Variants in AGBL4 observed in about 807,000 individuals in gnomAD.
AGBL4 encodes cytosolic carboxypeptidase 6.
AGBL4 carries 58 observed loss-of-function variants against 66.4 expected under a neutral mutation model. That is an observed-to-expected ratio of 0.87 (90% CI 0.71 to 1.09). The LOEUF is 1.09. Ranked by LOEUF, AGBL4 falls within the 50% of genes least tolerant of loss-of-function variation. AGBL4 has a pLI of 0.00. For synonymous variants in AGBL4, 234 were observed against 222.9 expected, an observed-to-expected ratio of 1.05 and a Z score of -0.44; for missense variants, 579 against 631.0, an observed-to-expected ratio of 0.92 and a Z score of 0.88.
chr1:48,678,450 C>T (rs1167063012), intron 6 of AGBL4, among the ~76,000 whole-genome samples: 1 of 152,160 alleles, frequency 6.6e-6, no homozygotes, highest in East Asian at 1.9e-4. Context: ...TTGAGAATTT[C>T]CCCGGAACCC....
chr1:48,667,331 C>T lies in AGBL4; in HGVS notation c.635-4090G>A, dbSNP rs774083413. ...GGCTCACCCTTGGGGAAGCCAATTGCTATGTCATAAAGGCACTCAGCCTAT... is the reference window on the plus strand; with the variant it reads ...GGCTCACCCTTGGGGAAGCCAATTGTTATGTCATAAAGGCACTCAGCCTAT... On this transcript the variant is annotated intron_variant, in intron 6 of 13. Transcript: ENST00000371839. Among the ~76,000 whole-genome samples the T allele has an allele frequency of 2.1e-4, 32 of 152,296 alleles. No homozygotes were observed. In the South Asian group the frequency reaches 2.5e-3, roughly 12 times the overall value.
At chr1:49,404,379 C>T (rs1011996197) in intron 3 of AGBL4, among the ~76,000 whole-genome samples, 4 of 152,156 alleles carry the variant, frequency 2.6e-5, no homozygotes, top group Non-Finnish European at 4.4e-5. Context: ...GCCAAATTTG[C>T]CACTATCTTG....
At chr1:49,277,443 GACAA>G (rs757848334) in intron 3 of AGBL4, among the ~76,000 whole-genome samples, 2 of 151,960 alleles carry the variant, frequency 1.3e-5, no homozygotes, top group Non-Finnish European at 2.9e-5. Context: ...GAAGAATTTG[GACAA>G]ACAAAGTCTT....
chr1:49,990,998 G>C (rs930973942), intron 1 of AGBL4, among the ~76,000 whole-genome samples: 1 of 151,988 alleles, frequency 6.6e-6, no homozygotes, highest in East Asian at 1.9e-4. Flanking sequence ...ACCTAATAGG[G>C]TCATTTGAGA....
At chr1:49,582,783 G>C (rs1644569827) in intron 3 of AGBL4, among the ~76,000 whole-genome samples, 1 of 152,154 alleles carries the variant, frequency 6.6e-6, no homozygotes, top group African/African-American at 2.4e-5. Flanking sequence ...CACTCCCCAA[G>C]TCTGATTCAT....
intron 2 of AGBL4, among the ~76,000 whole-genome samples, chr1:49,701,357 T>G (rs1365306134): frequency 2.0e-5 from 3 of 152,096 alleles, no homozygotes; most frequent in Non-Finnish European, 4.4e-5. Flanking sequence ...TGTTAAGTAT[T>G]TTTATCACAA....
At position 49,629,751 on chromosome 1, in the gene AGBL4, AGG is replaced by A. The variant is rs1385792538; in HGVS notation, c.282+67560_282+67561del. On this transcript the variant is annotated intron_variant, in intron 3 of 13. Transcript: ENST00000371839. ...TCATCAGTCCCTTTGGAAGAGGACT[AGG>A]GGAATCATTAACAAATGTATCTGCT... Among the ~76,000 whole-genome samples, 14 of 152,280 alleles carry A rather than the reference AGG, an allele frequency of 9.2e-5. No individual in the cohort carries two copies. In the South Asian group the frequency reaches 2.9e-3, roughly 32 times the overall value.
In AGBL4 at chr1:48,766,609, G is replaced by C. The variant is rs775545911; in HGVS notation, c.634+100582C>G. On this transcript the variant is annotated intron_variant, in intron 6 of 13. Transcript: ENST00000371839. ...GTGGCTGAATAGTCCAGGAAGCTCT[G>C]AGGTGTCAGGAATGAGTTCAGGAAA... 4.1e-4 allele frequency among the ~76,000 whole-genome samples: 63 copies of C among 152,320 alleles called. 1 individual carries two copies. Among genetic ancestry groups the C allele is most frequent in the Non-Finnish European group, 4.9e-4 (33 of 68,022 alleles).
At chr1:48,957,730 C>CA (rs1657603105) in intron 5 of AGBL4, among the ~76,000 whole-genome samples, 1 of 152,206 alleles carries the variant, frequency 6.6e-6, no homozygotes, top group African/African-American at 2.4e-5. Flanking sequence ...TTAGCTCTGG[C>CA]TGATACAGCA....
At chr1:49,386,074 A>G (rs1644730218) in intron 3 of AGBL4, among the ~76,000 whole-genome samples, 1 of 152,042 alleles carries the variant, frequency 6.6e-6, no homozygotes, top group Non-Finnish European at 1.5e-5. Flanking sequence ...AATCCTACTG[A>G]CATTAATATG....
intron 1 of AGBL4, among the ~76,000 whole-genome samples, chr1:49,886,269 A>G (rs1323954766): frequency 2.6e-5 from 4 of 152,190 alleles, no homozygotes; most frequent in Non-Finnish European, 5.9e-5. Flanking sequence ...ACCTATATTC[A>G]GAGAAGCAGC....
intron 6 of AGBL4, among the ~76,000 whole-genome samples, chr1:48,792,839 T>C (rs1008367421): frequency 6.6e-6 from 1 of 152,198 alleles, no homozygotes; most frequent in East Asian, 1.9e-4. Context: ...TTCATCAGCC[T>C]TCTAGATCCC....
chr1:48,876,968 A>T (rs1170087141), intron 5 of AGBL4, among the ~76,000 whole-genome samples: 1 of 152,224 alleles, frequency 6.6e-6, no homozygotes, highest in Admixed American at 6.5e-5. Context: ...TGCAGCATGC[A>T]TGATGCTATC....
In AGBL4 at chr1:49,597,834, C is replaced by T. The variant is rs368900203; in HGVS notation, c.282+99479G>A. On this transcript the variant is annotated intron_variant, in intron 3 of 13. Coordinates refer to ENST00000371839, the MANE Select transcript of AGBL4 (RefSeq NM_032785.4). ...TGGCTGTTTGTCTGTTATTGGTGTA[C>T]AGGAATGCTTGTGATTTTTGCACAT... Among the ~76,000 whole-genome samples the T allele has an allele frequency of 3.4e-4, 52 of 152,244 alleles. 1 individual carries two copies. The South Asian group carries it at 9.3e-3, about 27-fold the overall frequency.
intron 3 of AGBL4, among the ~76,000 whole-genome samples, chr1:49,392,828 G>A (rs1468504107): frequency 6.6e-6 from 1 of 152,052 alleles, no homozygotes; most frequent in Non-Finnish European, 1.5e-5. Context: ...GTAATTTACT[G>A]ATCTTTATTT....
chr1:49,291,962 A>ACAGATG (rs1462438913), intron 3 of AGBL4, among the ~76,000 whole-genome samples: 1 of 152,196 alleles, frequency 6.6e-6, no homozygotes, highest in African/African-American at 2.4e-5. Context: ...CACCTTGGGC[A>ACAGATG]CAGCTGCAGC....
At chr1:49,862,529 A>G (rs1309718404) in intron 1 of AGBL4, among the ~76,000 whole-genome samples, 1 of 152,178 alleles carries the variant, frequency 6.6e-6, no homozygotes, top group Non-Finnish European at 1.5e-5. Flanking sequence ...TCAATATACA[A>G]GCACAAAAAG....
chr1:49,990,265 C>T (rs1480473522), intron 1 of AGBL4, among the ~76,000 whole-genome samples: 1 of 152,180 alleles, frequency 6.6e-6, no homozygotes, highest in East Asian at 1.9e-4. Flanking sequence ...CAAATCTCAT[C>T]TTGAATTGTA....
intron 3 of AGBL4, among the ~76,000 whole-genome samples, chr1:49,486,680 C>T (rs1004890830): frequency 2.6e-5 from 4 of 151,992 alleles, no homozygotes; most frequent in Non-Finnish European, 4.4e-5. Flanking sequence ...CTTTAAGTAA[C>T]AGGAAATCCC....
Sources: allele counts gnomAD v4.1 joint callset (sites outside exome capture counted in the v4.1 genomes callset), GRCh38; gene constraint gnomAD v4.1.1; transcripts MANE v1.5; gene names NCBI Gene and HGNC (gene_info 2026-07-23, HGNC 2026-07-21).